CADM2: variants seen among roughly 807,000 people sequenced by gnomAD.
CADM2 encodes the protein immunoglobulin superfamily member 4D.
A neutral mutation model predicts 49.8 loss-of-function variants in CADM2; 12 were observed. The observed-to-expected ratio is 0.24, with a 90% CI of 0.15 to 0.39. CADM2 has a LOEUF of 0.39. CADM2 is among the 10% of genes least tolerant of loss of function. CADM2 has a pLI of 1.00. For synonymous variants in CADM2, 214 were observed against 175.4 expected, an observed-to-expected ratio of 1.22 and a Z score of -1.74; for missense variants, 378 against 492.3, an observed-to-expected ratio of 0.77 and a Z score of 2.20.
intron 1 of CADM2, among the ~76,000 whole-genome samples, chr3:85,043,197 T>G (rs561217087): frequency 6.6e-5 from 10 of 152,112 alleles, no homozygotes; most frequent in Non-Finnish European, 1.2e-4. Context: ...TCTCGTCTCA[T>G]GCAGGGAAGG....
chr3:85,463,907 T>C (rs2038369398), intron 1 of CADM2, among the ~76,000 whole-genome samples: 1 of 152,204 alleles, frequency 6.6e-6, no homozygotes, highest in African/African-American at 2.4e-5. Flanking sequence ...AAGTTTTAAC[T>C]ATAATATGTT....
chr3:85,581,789 A>G (rs1410078750), intron 1 of CADM2, among the ~76,000 whole-genome samples: 1 of 151,976 alleles, frequency 6.6e-6, no homozygotes, highest in Non-Finnish European at 1.5e-5. Context: ...ATTATCAGAC[A>G]TCTTAAGTTC....
At chr3:85,013,388 G>C (rs1032565333) in intron 1 of CADM2, among the ~76,000 whole-genome samples, 9 of 151,982 alleles carry the variant, frequency 5.9e-5, no homozygotes, top group African/African-American at 2.2e-4. Context: ...AAACAGTAGA[G>C]TAAATTGAAT....
intron 1 of CADM2, among the ~76,000 whole-genome samples, chr3:85,525,068 A>C (rs1432941176): frequency 6.6e-6 from 1 of 152,152 alleles, no homozygotes; most frequent in African/African-American, 2.4e-5. Context: ...TGACAGGCTG[A>C]TGGGTGCGGC....
At chr3:85,232,871 A>C (rs1229038123) in intron 1 of CADM2, among the ~76,000 whole-genome samples, 1 of 152,184 alleles carries the variant, frequency 6.6e-6, no homozygotes, top group African/African-American at 2.4e-5. Flanking sequence ...TTAGTATATA[A>C]TTGGATGACC....
chr3:85,086,165 T>G lies in CADM2; in HGVS notation c.61+126497T>G, dbSNP rs76649953. ...GGAAAAAAATATTAAGATGTGATAC[T>G]AAGATACTGCTACTAAAAATTCTCA... On this transcript the variant is annotated intron_variant, in intron 1 of 9. Transcript: ENST00000383699. 9.7e-3 allele frequency among the ~76,000 whole-genome samples: 1,480 copies of G among 152,268 alleles called. 12 individuals are homozygous for G. Among genetic ancestry groups the G allele is most frequent in the Non-Finnish European group, 0.016 (1,089 of 68,020 alleles).
At chr3:85,330,789 T>G (rs1267958613) in intron 1 of CADM2, among the ~76,000 whole-genome samples, 1 of 103,170 alleles carries the variant, frequency 9.7e-6, no homozygotes, top group Admixed American at 1.0e-4. Context: ...AGACTCCATC[T>G]CTCCAAAAAA....
At chr3:85,944,792 A>G (rs1221690263) in intron 7 of CADM2, among the ~76,000 whole-genome samples, 1 of 152,132 alleles carries the variant, frequency 6.6e-6, no homozygotes, top group Non-Finnish European at 1.5e-5. Context: ...GTAGAGGGAA[A>G]TTTATAGCAC....
In CADM2 at chr3:85,734,769, C is replaced by G. The variant is rs539267548; in HGVS notation, c.88+8221C>G. Among the ~76,000 whole-genome samples the G allele has an allele frequency of 2.7e-4, 40 of 147,094 alleles. No homozygotes were observed. The South Asian group carries it at 8.5e-3, about 31-fold the overall frequency. ...ATACATATATGTATATATACATATA[C>G]ATAACTCACCATATGTCTCTTTCTT... On this transcript the variant is annotated intron_variant, in intron 2 of 9. Coordinates refer to ENST00000383699, the MANE Select transcript of CADM2 (RefSeq NM_001167675.2).
chr3:84,987,053 AAAAACAAAAC>A lies in CADM2; in HGVS notation c.61+27400_61+27409del, dbSNP rs370317433. On this transcript the variant is annotated intron_variant, in intron 1 of 9. Transcript: ENST00000383699. ...GGCAACAAGAGCGAAACTCCGTCTC[AAAAACAAAAC>A]AAAACAAAACAAAAAAGAGTTTGGA... 5.5e-4 allele frequency among the ~76,000 whole-genome samples: 84 copies of A among 152,068 alleles called. No individual in the cohort carries two copies. In the South Asian group the frequency reaches 6.9e-3, roughly 12 times the overall value.
intron 1 of CADM2, among the ~76,000 whole-genome samples, chr3:85,162,374 A>G (rs1576016507): frequency 6.6e-6 from 1 of 152,186 alleles, no homozygotes; most frequent in African/African-American, 2.4e-5. Context: ...TCATTATGCA[A>G]TAAATAATGG....
At chr3:84,985,514 T>C (rs73843251) in intron 1 of CADM2, among the ~76,000 whole-genome samples, 7,125 of 152,172 alleles carry the variant, frequency 0.047, 558 homozygotes, top group African/African-American at 0.16. Context: ...TCAGAGAGAT[T>C]TGAATCACTC....
chr3:85,886,384 T>C (rs1713659256), intron 5 of CADM2, 57 bp downstream of exon 5: 1 of 1,316,284 alleles, frequency 7.6e-7, no homozygotes, highest in East Asian at 2.4e-5. Flanking sequence ...TATGACATGT[T>C]AAGAAAAAGG....
At chr3:85,428,734 G>T (rs1039982348) in intron 1 of CADM2, among the ~76,000 whole-genome samples, 1 of 148,232 alleles carries the variant, frequency 6.7e-6, no homozygotes. Context: ...GAATACATAG[G>T]GAATATGCAT....
intron 7 of CADM2, among the ~76,000 whole-genome samples, chr3:85,937,343 A>G (rs1365144018): frequency 1.3e-5 from 2 of 151,902 alleles, no homozygotes; most frequent in African/African-American, 4.8e-5. Context: ...GAGATTTATG[A>G]AATGCAAAAT....
chr3:85,976,294 T>C (rs565005388), intron 8 of CADM2, among the ~76,000 whole-genome samples: 2 of 151,680 alleles, frequency 1.3e-5, no homozygotes, highest in African/African-American at 4.8e-5. Context: ...AGCTCTTCTC[T>C]TGAAGACCTG....
intron 8 of CADM2, among the ~76,000 whole-genome samples, chr3:86,057,305 G>A (rs1277871929): frequency 1.3e-5 from 2 of 152,142 alleles, no homozygotes; most frequent in African/African-American, 2.4e-5. Context: ...TAAATAGGGG[G>A]AAGTGGGCCC....
chr3:85,746,510 C>T (rs2068627703), intron 2 of CADM2, among the ~76,000 whole-genome samples: 1 of 152,058 alleles, frequency 6.6e-6, no homozygotes, highest in Admixed American at 6.6e-5. Flanking sequence ...GTATTTTGTG[C>T]CATCATTTCA....
intron 5 of CADM2, among the ~76,000 whole-genome samples, chr3:85,909,083 A>G (rs1409553064): frequency 1.3e-5 from 2 of 152,300 alleles, no homozygotes; most frequent in African/African-American, 2.4e-5. Context: ...TCTTAACTGT[A>G]AAATTTTTAC....
Sources: gnomAD v4.1 joint callset for allele counts (sites outside exome capture counted in the v4.1 genomes callset) on GRCh38, gnomAD v4.1.1 for gene constraint, MANE v1.5 for transcripts, NCBI Gene and HGNC (gene_info 2026-07-23, HGNC 2026-07-21) for gene names.